ZIM2: variants seen among roughly 807,000 people sequenced by gnomAD.
The protein encoded by ZIM2 is zinc finger protein 656.
A neutral mutation model predicts 38.6 loss-of-function variants in ZIM2; 14 were observed. The ratio of observed to expected loss-of-function variants is 0.36; its 90% CI spans 0.24 to 0.57. The LOEUF is 0.57. ZIM2 is among the 20% of genes least tolerant of loss of function. The pLI, the probability that ZIM2 is intolerant of heterozygous loss-of-function variation, is 0.81. For missense variants in ZIM2, 680 were observed against 695.1 expected, an observed-to-expected ratio of 0.98 and a Z score of 0.24; for synonymous variants, 247 against 245.8, an observed-to-expected ratio of 1.00 and a Z score of -0.04.
At chr19:56,837,954 C>A (rs1315891727) in intron 1 of ZIM2, among the ~76,000 whole-genome samples, 1 of 152,204 alleles carries the variant, frequency 6.6e-6, no homozygotes, top group African/African-American at 2.4e-5. Context: ...GCTGCTCTAT[C>A]AGACAAGACA....
chr19:56,810,020 C>A (rs2146055488), intron 9 of ZIM2: 1 of 394,400 alleles, frequency 2.5e-6, no homozygotes, highest in Admixed American at 6.4e-5. Context: ...GGATTTATAA[C>A]TCTAACAAAA....
At chr19:56,782,919 C>T (rs1183083942) in intron 10 of ZIM2, among the ~76,000 whole-genome samples, 1 of 152,006 alleles carries the variant, frequency 6.6e-6, no homozygotes, top group East Asian at 1.9e-4. Flanking sequence ...TTATTATTGA[C>T]TATAGACTCC....
In ZIM2 at chr19:56,824,297, A is replaced by G; in HGVS notation, c.-20T>C. On this transcript the variant is annotated 5_prime_UTR_variant, in exon 4 of 13. Coordinates refer to ENST00000629319, the MANE Select transcript of ZIM2 (RefSeq NM_001387356.1). Reference sequence around the variant, plus strand: ...GTACATCTCCTTGTAATTCTCCAGCAGAGTGACGAGCTTCTCACAGTTCTC... The same window carrying G: ...GTACATCTCCTTGTAATTCTCCAGCGGAGTGACGAGCTTCTCACAGTTCTC... 6.2e-7 allele frequency: 1 copy of G among 1,614,086 alleles called. No individual in the cohort carries two copies. The highest frequency in any genetic ancestry group is 8.5e-7 in the Non-Finnish European group (1 of 1,180,030).
chr19:56,797,961 T>C (rs1047399512), intron 9 of ZIM2: 2 of 152,170 alleles, frequency 1.3e-5, no homozygotes, highest in Non-Finnish European at 2.9e-5. Context: ...CCTCTAAAGC[T>C]CCATATCTTC....
At chr19:56,782,591 T>A (rs545359004) in intron 10 of ZIM2, 161 of 336,710 alleles carry the variant, frequency 4.8e-4, no homozygotes, top group African/African-American at 3.3e-3. Flanking sequence ...TGGGTAAAAA[T>A]TAAGTAATTG....
intron 9 of ZIM2, chr19:56,816,547 C>A (rs773882476): frequency 6.2e-7 from 1 of 1,614,022 alleles, no homozygotes; most frequent in South Asian, 1.1e-5. Context: ...AGTCTCCCCA[C>A]ACACCTTACA....
intron 9 of ZIM2, among the ~76,000 whole-genome samples, chr19:56,807,576 A>C (rs2047819010): frequency 6.6e-6 from 1 of 152,206 alleles, no homozygotes; most frequent in Non-Finnish European, 1.5e-5. Flanking sequence ...TGGGAGGCCA[A>C]GGCAAGAGGG....
At chr19:56,811,658 A>G (rs2059551165) in intron 9 of ZIM2, 1 of 985,276 alleles carries the variant, frequency 1.0e-6, no homozygotes, top group Non-Finnish European at 1.2e-6. Flanking sequence ...CGACATCAAC[A>G]CTGATTCTCG....
At chr19:56,818,130 T>C (rs1419629514) in intron 8 of ZIM2, among the ~76,000 whole-genome samples, 2 of 152,164 alleles carry the variant, frequency 1.3e-5, no homozygotes, top group African/African-American at 4.8e-5. Context: ...ACTTTTTAAG[T>C]CCTCTTTTCC....
intron 1 of ZIM2, among the ~76,000 whole-genome samples, chr19:56,837,259 A>C (rs1229967194): frequency 1.3e-5 from 2 of 151,660 alleles, no homozygotes; most frequent in Non-Finnish European, 2.9e-5. Context: ...CCCTTTAAAC[A>C]CACCCCCACC....
intron 12 of ZIM2, 105 bp downstream of exon 12, chr19:56,779,272 G>T: frequency 1.8e-6 from 2 of 1,092,986 alleles, no homozygotes; most frequent in South Asian, 1.4e-5. Context: ...AGGAGAAAGG[G>T]CACCTACCAG....
At chr19:56,822,880 A>G in intron 5 of ZIM2, 44 bp from the exon 6 acceptor site, 2 of 1,593,528 alleles carry the variant, frequency 1.3e-6, no homozygotes, top group East Asian at 2.3e-5. Flanking sequence ...GCTCTTTGAC[A>G]CACCTGTTTT....
intron 12 of ZIM2, among the ~76,000 whole-genome samples, chr19:56,778,147 A>T (rs979753521): frequency 1.3e-5 from 2 of 152,166 alleles, no homozygotes; most frequent in Non-Finnish European, 1.5e-5. Context: ...TATTTTTTAA[A>T]ACTACTGCCC....
In ZIM2 at chr19:56,824,283, T is replaced by C. The variant is rs1264153489; in HGVS notation, c.-6A>G. ...TCACCTTCTGGTTGGTACATCTCCT[T>C]GTAATTCTCCAGCAGAGTGACGAGC... On this transcript the variant is annotated 5_prime_UTR_variant, in exon 4 of 13. Coordinates refer to ENST00000629319, the MANE Select transcript of ZIM2 (RefSeq NM_001387356.1). The C allele has an allele frequency of 1.2e-6, 2 of 1,613,980 alleles. No homozygotes were observed. Among genetic ancestry groups the C allele is most frequent in the Non-Finnish European group, 1.7e-6 (2 of 1,179,996 alleles).
chr19:56,816,806 G>C, intron 9 of ZIM2: 1 of 1,614,096 alleles, frequency 6.2e-7, no homozygotes, highest in Non-Finnish European at 8.5e-7. Flanking sequence ...GTGGGGCTAG[G>C]CATGAAGGCT....
At chr19:56,784,264 G>C (rs1255715901) in intron 10 of ZIM2, among the ~76,000 whole-genome samples, 1 of 152,130 alleles carries the variant, frequency 6.6e-6, no homozygotes. Flanking sequence ...TTAGCATAGA[G>C]AGCAATCTCA....
At chr19:56,810,554 T>G in intron 9 of ZIM2, 2 of 959,286 alleles carry the variant, frequency 2.1e-6, no homozygotes, top group Non-Finnish European at 2.5e-6. Flanking sequence ...ATTTCCAAAG[T>G]TTTGTATGAG....
At chr19:56,778,780 T>C (rs1325160470) in intron 12 of ZIM2, among the ~76,000 whole-genome samples, 1 of 152,244 alleles carries the variant, frequency 6.6e-6, no homozygotes, top group East Asian at 1.9e-4. Context: ...ATCCAGCCGC[T>C]GCACATGGTG....
At chr19:56,822,185 G>A (rs2060560567) in intron 6 of ZIM2, among the ~76,000 whole-genome samples, 1 of 152,192 alleles carries the variant, frequency 6.6e-6, no homozygotes, top group African/African-American at 2.4e-5. Flanking sequence ...ACTCACTCCT[G>A]ATATCCTTCT....
Sources: allele counts gnomAD v4.1 joint callset (sites outside exome capture counted in the v4.1 genomes callset), GRCh38; gene constraint gnomAD v4.1.1; transcripts MANE v1.5; gene names NCBI Gene and HGNC (gene_info 2026-07-23, HGNC 2026-07-21).